The following DNAH7 variants were observed in gnomAD, a reference collection of about 807,000 sequenced individuals.
The protein encoded by DNAH7 is dynein axonemal heavy chain 7.
DNAH7 carries 397 observed loss-of-function variants against 444.6 expected under a neutral mutation model. The observed-to-expected ratio is 0.89, with a 90% confidence interval of 0.82 to 0.97. The LOEUF (loss-of-function observed/expected upper bound fraction) is 0.97. Ranked by LOEUF, DNAH7 falls within the 50% of genes least tolerant of loss-of-function variation. The pLI is 0.00. For synonymous variants in DNAH7, 1,636 were observed against 1,624.4 expected, an observed-to-expected ratio of 1.01 and a Z score of -0.17; for missense variants, 4,902 against 4,800.8, an observed-to-expected ratio of 1.02 and a Z score of -0.62.
rs529941531 is a variant in DNAH7, at chr2:195,816,921, T to G, written c.9468A>C (p.Ser3156=). 6.2e-7 allele frequency: 1 copy of G among 1,607,424 alleles called. No homozygotes were observed. Among genetic ancestry groups the G allele is most frequent in the Non-Finnish European group, 8.5e-7 (1 of 1,177,078 alleles). The change falls in exon 51 of 65, where the codon TCA becomes TCC. Residue 3156 remains serine (S), a synonymous_variant. Transcript: ENST00000312428. ...CTTCTAATATATTGCCTTCCGAAGA[T>G]GAAAGAACTTCTAAAATCTTGTCTT... is the stretch of plus-strand genomic sequence containing the variant. The part of the protein sequence containing the change: ...EIEDKILEVL[S]SSEGNILEDE...
At chr2:196,067,573 T>A (rs925922690) in intron 1 of DNAH7, among the ~76,000 whole-genome samples, 9 of 152,292 alleles carry the variant, frequency 5.9e-5, no homozygotes, top group East Asian at 1.9e-4. Context: ...CTTATTTTTT[T>A]AAAAAGGTTC....
intron 2 of DNAH7, among the ~76,000 whole-genome samples, chr2:196,056,606 GC>G (rs981576600): frequency 6.6e-6 from 1 of 151,886 alleles, no homozygotes; most frequent in African/African-American, 2.4e-5. Context: ...ACAGATAAAT[GC>G]TATTCCTTGA....
chr2:196,054,889 G>A (rs72917298), intron 2 of DNAH7, among the ~76,000 whole-genome samples: 5,214 of 152,158 alleles, frequency 0.034, 143 homozygotes, highest in South Asian at 0.052. Flanking sequence ...CCCTTTCCAC[G>A]ATGTTTGTAA....
rs572234568 is a variant in DNAH7 at position 195,821,825 on chromosome 2, C to T, written c.9291+2430G>A. Among the ~76,000 whole-genome samples, 7 of 152,232 alleles carry T rather than the reference C, an allele frequency of 4.6e-5. No individual in the cohort carries two copies. The South Asian group carries it at 1.2e-3, about 27-fold the overall frequency. ...TACTGGGTGGGAGATATCGTGTTTCCCTGCTTTTACTTATAAGAAAATATT... is the reference window on the plus strand; with the variant it reads ...TACTGGGTGGGAGATATCGTGTTTCTCTGCTTTTACTTATAAGAAAATATT... On this transcript the variant is annotated intron_variant, in intron 49 of 64. Coordinates refer to ENST00000312428, the MANE Select transcript of DNAH7 (RefSeq NM_018897.3).
At position 195,737,757 on chromosome 2, in the gene DNAH7, T is replaced by TGAG. The variant is rs1692718814; in HGVS notation, c.*161_*163dup. ...CAGAACATTTCCTTACATTTAAGTA[T>TGAG]GAGTCATATTAAGTTTAGCTGCATT... On this transcript the variant is annotated 3_prime_UTR_variant, in exon 65 of 65. Transcript: ENST00000312428. The TGAG allele has an allele frequency of 1.7e-6, 1 of 603,524 alleles. No homozygotes were observed. Among genetic ancestry groups the TGAG allele is most frequent in the African/African-American group, 1.9e-5 (1 of 53,974 alleles). The allele number at this position is 603,524 out of a possible 1,614,324, so 37.4% of individuals were successfully genotyped here.
intron 14 of DNAH7, among the ~76,000 whole-genome samples, chr2:195,986,097 A>G (rs1692888348): frequency 6.6e-6 from 1 of 152,150 alleles, no homozygotes; most frequent in African/African-American, 2.4e-5. Flanking sequence ...TAAAATTCAC[A>G]TGTCAGTTCC....
intron 10 of DNAH7, among the ~76,000 whole-genome samples, chr2:196,004,833 C>T (rs539593402): frequency 7.2e-5 from 11 of 151,832 alleles, no homozygotes; most frequent in Admixed American, 1.3e-4. Context: ...TGGTGACATG[C>T]GCCTGTGTTC....
chr2:195,824,744 T>C (rs761915588), intron 48 of DNAH7, among the ~76,000 whole-genome samples: 19 of 152,326 alleles, frequency 1.2e-4, no homozygotes, highest in Non-Finnish European at 2.1e-4. Context: ...CCAGGTATTA[T>C]GGCAGTGAAG....
intron 21 of DNAH7, among the ~76,000 whole-genome samples, chr2:195,929,671 T>A (rs888821038): frequency 6.6e-6 from 1 of 152,190 alleles, no homozygotes; most frequent in Admixed American, 6.5e-5. Flanking sequence ...GCTAGCCATA[T>A]GAAGAAGAAT....
intron 19 of DNAH7, 110 bp from the exon 20 acceptor site, chr2:195,936,902 A>G: frequency 1.1e-6 from 1 of 903,526 alleles, no homozygotes; most frequent in Non-Finnish European, 1.6e-6. Context: ...AGGTTATGTA[A>G]ATTTTAAGGG....
chr2:195,986,548 T>A (rs184171385), intron 14 of DNAH7, among the ~76,000 whole-genome samples: 40 of 152,324 alleles, frequency 2.6e-4, no homozygotes, highest in African/African-American at 9.4e-4. Flanking sequence ...GAAACAGGTA[T>A]TCTGCTTTAT....
At chr2:195,925,183 A>AC (rs1206952581) in intron 22 of DNAH7, among the ~76,000 whole-genome samples, 1 of 152,054 alleles carries the variant, frequency 6.6e-6, no homozygotes, top group East Asian at 1.9e-4. Context: ...TTTGGTGCCT[A>AC]AACACTATTT....
chr2:195,778,639 AATAAATATATATAT>A (rs1259985326), intron 58 of DNAH7, among the ~76,000 whole-genome samples: 1 of 51,694 alleles, frequency 1.9e-5, no homozygotes, highest in Admixed American at 2.5e-4. Context: ...AAAATAAATA[AATAAATATATATAT>A]ATATATATAT....
In DNAH7 at chr2:195,960,874, G is replaced by A. The variant is rs377130100; in HGVS notation, c.2277C>T (p.Ile759=). The A allele has an allele frequency of 6.7e-4, 1,083 of 1,613,776 alleles. No homozygotes were observed. Among genetic ancestry groups the A allele is most frequent in the Non-Finnish European group, 8.7e-4 (1,024 of 1,179,958 alleles). The stretch of plus-strand genomic sequence containing the variant: ...GAAGATAAGGGTTCAAGCCATCTTG[G>A]ATTTTTTTACGTTGAGGATATACAG... ...LPSVYPQRKK[I]QDGLNPYLRL... Residue 759 remains isoleucine (I), a synonymous_variant, in exon 18 of 65, where the codon ATC becomes ATT. Coordinates refer to ENST00000312428, the MANE Select transcript of DNAH7 (RefSeq NM_018897.3).
chr2:195,903,743 T>C (rs1442888328), intron 27 of DNAH7: 1 of 152,172 alleles, frequency 6.6e-6, no homozygotes, highest in Non-Finnish European at 1.5e-5. Flanking sequence ...CCCTCTCGTC[T>C]ACTTGTAGAT....
intron 45 of DNAH7, among the ~76,000 whole-genome samples, 199 bp from the exon 46 acceptor site, chr2:195,853,727 T>C (rs1206131301): frequency 6.6e-6 from 1 of 152,108 alleles, no homozygotes; most frequent in Admixed American, 6.6e-5. Context: ...TTCATGAAAT[T>C]AATAATGAAT....
At chr2:195,761,698 G>A (rs905365893) in intron 61 of DNAH7, among the ~76,000 whole-genome samples, 2 of 152,066 alleles carry the variant, frequency 1.3e-5, no homozygotes, top group Non-Finnish European at 2.9e-5. Flanking sequence ...AGTGCTGAAG[G>A]AACAAAACTT....
intron 58 of DNAH7, among the ~76,000 whole-genome samples, chr2:195,782,574 A>G (rs1695439788): frequency 6.6e-6 from 1 of 152,142 alleles, no homozygotes. Context: ...ACCACAGAAA[A>G]ACGTGTAAAT....
At chr2:196,061,764 G>A (rs1369615718) in intron 1 of DNAH7, among the ~76,000 whole-genome samples, 1 of 152,136 alleles carries the variant, frequency 6.6e-6, no homozygotes, top group Non-Finnish European at 1.5e-5. Context: ...GAAGAGGAAA[G>A]GAGACAGAAT....
Sources: allele counts gnomAD v4.1 joint callset (sites outside exome capture counted in the v4.1 genomes callset), GRCh38; gene constraint gnomAD v4.1.1; transcripts MANE v1.5; gene names NCBI Gene and HGNC (gene_info 2026-07-23, HGNC 2026-07-21).